The following TMEM117 variants were observed in gnomAD, a reference collection of about 807,000 sequenced individuals.
TMEM117 encodes transmembrane protein 117.
A neutral mutation model predicts 52.4 loss-of-function variants in TMEM117; 27 were observed. The observed-to-expected ratio is 0.51, with a 90% CI of 0.38 to 0.71. The LOEUF (loss-of-function observed/expected upper bound fraction) is 0.71. Among genes scored for constraint, TMEM117 ranks in the 30% least tolerant of loss-of-function variants. The probability of loss-of-function intolerance (pLI) is 0.00; values close to 1 mark genes in which losing one functional copy is unlikely to be tolerated. For missense variants in TMEM117, 556 were observed against 630.5 expected (o/e 0.88, Z 1.26); for synonymous variants, 215 against 206.3 (o/e 1.04, Z -0.36).
At chr12:43,805,147 T>C in the TMEM117 span, among the ~76,000 whole-genome samples, 1 of 152,228 alleles carries the variant, frequency 6.6e-6, no homozygotes, top group Non-Finnish European at 1.5e-5. Flanking sequence ...TAACTAACCC[T>C]TGTGTTCCTA....
At chr12:43,927,591 A>T (rs1424414540) in intron 2 of TMEM117, among the ~76,000 whole-genome samples, 4 of 151,824 alleles carry the variant, frequency 2.6e-5, no homozygotes, top group Admixed American at 2.6e-4. Context: ...TATTTATATA[A>T]TCTATCTCAT....
intron 2 of TMEM117, among the ~76,000 whole-genome samples, chr12:43,941,134 T>C (rs1479072132): frequency 6.6e-6 from 1 of 152,248 alleles, no homozygotes; most frequent in Non-Finnish European, 1.5e-5. Context: ...ATGGATCTTA[T>C]TAATAACATA....
chr12:44,213,953 A>G (rs548875060), intron 5 of TMEM117, among the ~76,000 whole-genome samples: 10 of 152,116 alleles, frequency 6.6e-5, no homozygotes, highest in Admixed American at 6.6e-4. Context: ...GCTAGTTACC[A>G]AGGTCACATG....
rs184288927 is a variant in TMEM117, at chr12:44,313,894, G to C, written c.768+14155G>C. Among the ~76,000 whole-genome samples, 14 of 152,014 alleles carry C rather than the reference G, an allele frequency of 9.2e-5. No homozygotes were observed. The East Asian group carries it at 2.7e-3, about 29-fold the overall frequency. On this transcript the variant is annotated intron_variant, in intron 6 of 7. Coordinates refer to ENST00000266534, the MANE Select transcript of TMEM117 (RefSeq NM_032256.3). ...TAAGTGAGATTATGTCCTTGATTTG[G>C]CTCTCAGCTTGAACCTCTTTGGTGT...
Position 44,194,763 on chromosome 12 carries a change from C to T in TMEM117, c.511-16527C>T, listed in dbSNP as rs146772099. ...GGAGGGTCACTTGAGCCCAGGAGGC[C>T]GAGGTTGCAGTGAGCCCGGATTGAG... On this transcript the variant is annotated intron_variant, in intron 4 of 7. Transcript: ENST00000266534. 5.9e-5 allele frequency among the ~76,000 whole-genome samples: 9 copies of T among 152,028 alleles called. 1 individual carries two copies. The East Asian group carries it at 7.7e-4, about 13-fold the overall frequency.
intron 6 of TMEM117, among the ~76,000 whole-genome samples, chr12:44,367,038 A>G (rs936118302): frequency 6.6e-6 from 1 of 152,166 alleles, no homozygotes; most frequent in African/African-American, 2.4e-5. Flanking sequence ...CCTTGCAAAA[A>G]CTACTGAAAA....
chr12:44,020,861 A>G (rs958749650), intron 3 of TMEM117, among the ~76,000 whole-genome samples: 1 of 152,198 alleles, frequency 6.6e-6, no homozygotes. Context: ...CAGTTTATAC[A>G]TCAGTTGGTT....
intron 3 of TMEM117, among the ~76,000 whole-genome samples, chr12:44,084,092 G>T (rs2138021972): frequency 6.6e-6 from 1 of 152,210 alleles, no homozygotes; most frequent in East Asian, 1.9e-4. Context: ...TTGGTTTAAA[G>T]GTAGATGACA....
intron 4 of TMEM117, among the ~76,000 whole-genome samples, chr12:44,191,104 G>A (rs1160287544): frequency 6.6e-6 from 1 of 151,782 alleles, no homozygotes. Flanking sequence ...TGGTGGAAGG[G>A]GAAGCAAACA....
intron 4 of TMEM117, among the ~76,000 whole-genome samples, chr12:44,173,438 T>A (rs1254540016): frequency 2.0e-5 from 3 of 152,066 alleles, no homozygotes; most frequent in Non-Finnish European, 4.4e-5. Context: ...TAAAGTAAAA[T>A]TGTGTTTTCA....
intron 2 of TMEM117, among the ~76,000 whole-genome samples, chr12:43,920,050 A>G (rs1252573348): frequency 6.6e-6 from 1 of 151,980 alleles, no homozygotes; most frequent in African/African-American, 2.4e-5. Flanking sequence ...GGCACAACCC[A>G]TGTCAATAGT....
At chr12:43,891,114 C>T (rs1013783418) in intron 2 of TMEM117, among the ~76,000 whole-genome samples, 1 of 152,050 alleles carries the variant, frequency 6.6e-6, no homozygotes, top group Non-Finnish European at 1.5e-5. Context: ...TTTGATGTGT[C>T]TCAATTCTAT....
At chr12:44,049,585 T>C (rs1946937104) in intron 3 of TMEM117, among the ~76,000 whole-genome samples, 1 of 151,698 alleles carries the variant, frequency 6.6e-6, no homozygotes, top group African/African-American at 2.4e-5. Context: ...CCTGGGTTAG[T>C]CCCTATCTAT....
At chr12:43,853,422 C>G (rs1254501766) in intron 2 of TMEM117, among the ~76,000 whole-genome samples, 1 of 152,078 alleles carries the variant, frequency 6.6e-6, no homozygotes, top group African/African-American at 2.4e-5. Flanking sequence ...ATTACAGGCA[C>G]CTGCCACCAT....
intron 4 of TMEM117, among the ~76,000 whole-genome samples, chr12:44,180,582 C>T (rs933952212): frequency 1.1e-4 from 16 of 147,254 alleles, no homozygotes; most frequent in Non-Finnish European, 1.5e-5. Flanking sequence ...CAATTCCCAC[C>T]TATGAGTGAG....
At chr12:44,190,500 A>G (rs1178649493) in intron 4 of TMEM117, among the ~76,000 whole-genome samples, 1 of 152,098 alleles carries the variant, frequency 6.6e-6, no homozygotes, top group African/African-American at 2.4e-5. Context: ...GCTGACTTGT[A>G]GTTGCTACAG....
intron 5 of TMEM117, among the ~76,000 whole-genome samples, chr12:44,238,463 A>G (rs1014193498): frequency 6.6e-5 from 10 of 152,096 alleles, no homozygotes; most frequent in African/African-American, 2.2e-4. Flanking sequence ...ATATATCGCT[A>G]TGAAAAAACT....
At chr12:44,286,133 T>C (rs1189010523) in intron 5 of TMEM117, among the ~76,000 whole-genome samples, 1 of 152,032 alleles carries the variant, frequency 6.6e-6, no homozygotes, top group Non-Finnish European at 1.5e-5. Context: ...ACTTTTTTGG[T>C]TGCATTCCAA....
chr12:43,833,572 T>C (rs1255637548), upstream of TMEM117, among the ~76,000 whole-genome samples: 3 of 151,982 alleles, frequency 2.0e-5, no homozygotes, highest in African/African-American at 7.2e-5. Context: ...GGCTGAAGGA[T>C]GGTTTGAGGC....
Sources: allele counts gnomAD v4.1 joint callset (sites outside exome capture counted in the v4.1 genomes callset), GRCh38; gene constraint gnomAD v4.1.1; transcripts MANE v1.5; gene names NCBI Gene and HGNC (gene_info 2026-07-23, HGNC 2026-07-21).